The following GDA variants were observed in gnomAD, a reference collection of about 807,000 sequenced individuals.
GDA encodes the protein guanine deaminase, also known as cytoplasmic PSD-95 interactor.
Under a neutral mutation model 59.6 loss-of-function variants are expected in GDA, and 18 were observed. The observed-to-expected ratio is 0.30, with a 90% CI of 0.21 to 0.45. The LOEUF is 0.45. GDA is among the 20% of genes least tolerant of loss of function. The pLI, the probability that GDA is intolerant of heterozygous loss-of-function variation, is 1.00. For missense variants in GDA, 427 were observed against 552.3 expected (o/e 0.77, Z 2.27); for synonymous variants, 201 against 201.1 (o/e 1.00, Z 0.00).
intron 2 of GDA, among the ~76,000 whole-genome samples, chr9:72,200,584 A>G (rs959616934): frequency 5.1e-5 from 7 of 136,830 alleles, no homozygotes; most frequent in African/African-American, 8.5e-5. Context: ...GGTTTCCTAA[A>G]TATAGTAGAC....
Position 72,194,328 on chromosome 9 carries a change from G to A in GDA, c.124-1172G>A, listed in dbSNP as rs1010166143. 7.2e-5 allele frequency among the ~76,000 whole-genome samples: 11 copies of A among 152,164 alleles called. No homozygotes were observed. The South Asian group carries it at 8.3e-4, about 11-fold the overall frequency. On this transcript the variant is annotated intron_variant, in intron 1 of 13. Transcript: ENST00000358399. ...AAGGGCTCTTCAGTTAGCAGGTGAC[G>A]AATCCTACCAGGACTGAGTCTTTTC...
intron 1 of GDA, among the ~76,000 whole-genome samples, chr9:72,156,251 A>C (rs1199059443): frequency 6.6e-6 from 1 of 152,226 alleles, no homozygotes; most frequent in African/African-American, 2.4e-5. Flanking sequence ...TGGAACATGC[A>C]AAAGAGGATT....
At position 72,250,739 on chromosome 9, in the gene GDA, C is replaced by T. The variant is rs1443235427; in HGVS notation, c.*2397C>T. On this transcript the variant is annotated 3_prime_UTR_variant, in exon 14 of 14. Transcript: ENST00000358399. Reference sequence around the variant, plus strand: ...TGTCACTTTTTGTTTTAATATCTTGCTCTCTGACAGGAAAGAAACAATTCA... The same window carrying T: ...TGTCACTTTTTGTTTTAATATCTTGTTCTCTGACAGGAAAGAAACAATTCA... 4 of 1,611,894 alleles carry T rather than the reference C, an allele frequency of 2.5e-6. No homozygotes were observed. Among genetic ancestry groups the T allele is most frequent in the African/African-American group, 1.3e-5 (1 of 74,882 alleles).
At chr9:72,178,911 G>A (rs1364295580) in intron 1 of GDA, among the ~76,000 whole-genome samples, 1 of 151,998 alleles carries the variant, frequency 6.6e-6, no homozygotes, top group South Asian at 2.1e-4. Flanking sequence ...CATAATATTT[G>A]TACATATATA....
intron 1 of GDA, among the ~76,000 whole-genome samples, chr9:72,153,616 G>A (rs1827506363): frequency 1.3e-5 from 2 of 151,180 alleles, no homozygotes; most frequent in African/African-American, 2.4e-5. Context: ...TTAAGAAAAT[G>A]TGGCACATAT....
chr9:72,247,422 T>A lies in GDA; in HGVS notation c.1283T>A (p.Phe428Tyr). 1 of 1,480,792 alleles carries A rather than the reference T, an allele frequency of 6.8e-7. No homozygotes were observed. The highest frequency in any genetic ancestry group is 9.4e-7 in the Non-Finnish European group (1 of 1,058,532). 91.7% of individuals were successfully genotyped at this position (1,480,792 alleles called of 1,614,324 possible). Residue 428 changes from phenylalanine (F) to tyrosine (Y), a missense_variant, in exon 13 of 14, where the codon TTC (phenylalanine) becomes TAC (tyrosine). Physicochemically the swap from Phe to Tyr is conservative, Grantham distance 22. Transcript: ENST00000358399. The stretch of plus-strand genomic sequence containing the variant: ...CCATTTTAGGCTGTTATCCAGAAGT[T>A]CCTCTATCTAGGTAGGTAGATGCAT... ...GDISEAVIQK[F>Y]LYLGDDRNIE...
intron 5 of GDA, 71 bp downstream of exon 5, chr9:72,214,062 GA>G: frequency 9.4e-6 from 8 of 854,318 alleles, no homozygotes; most frequent in East Asian, 2.5e-5. Context: ...GTTAGAGATG[GA>G]AAAAGGAAAC....
At chr9:72,153,878 G>T (rs1320001127) in intron 1 of GDA, among the ~76,000 whole-genome samples, 1 of 149,734 alleles carries the variant, frequency 6.7e-6, no homozygotes, top group East Asian at 2.0e-4. Context: ...ACGAGTTAAT[G>T]GGTGCAGCAC....
At chr9:72,246,242 G>C (rs1362663783) in intron 12 of GDA, among the ~76,000 whole-genome samples, 3 of 152,112 alleles carry the variant, frequency 2.0e-5, no homozygotes, top group Admixed American at 2.0e-4. Context: ...CTGCCTCCTG[G>C]GTTCAAGCAG....
chr9:72,248,353 C>T lies in GDA; in HGVS notation c.*11C>T, dbSNP rs372649998. 63 of 1,612,680 alleles carry T rather than the reference C, an allele frequency of 3.9e-5. No homozygotes were observed. In the Middle Eastern group the frequency reaches 4.9e-4, roughly 13 times the overall value. On this transcript the variant is annotated 3_prime_UTR_variant, in exon 14 of 14. Transcript: ENST00000358399. ...TCCAGCTCAGTGTAAGACCCTCGGG[C>T]GTCTACAAAGTTCTCCTGGGATTAG...
chr9:72,172,056 T>TA (rs1830032589), intron 1 of GDA, among the ~76,000 whole-genome samples: 1 of 152,126 alleles, frequency 6.6e-6, no homozygotes, highest in Admixed American at 6.5e-5. Context: ...AAGAAACACC[T>TA]AAAAAATTTA....
At chr9:72,123,708 A>T (rs1007820866) in intron 1 of GDA, among the ~76,000 whole-genome samples, 1 of 150,356 alleles carries the variant, frequency 6.7e-6, no homozygotes, top group Non-Finnish European at 1.5e-5. Flanking sequence ...GCTGGTCTCG[A>T]ACTCTCGACC....
chr9:72,195,681 A>C (rs1400862375), intron 2 of GDA, 93 bp downstream of exon 2: 5 of 440,336 alleles, frequency 1.1e-5, no homozygotes, highest in African/African-American at 2.1e-5. Context: ...TTTAAAAAAT[A>C]ATATTAATTT....
intron 1 of GDA, among the ~76,000 whole-genome samples, chr9:72,189,219 A>G (rs893454504): frequency 1.7e-5 from 2 of 116,162 alleles, no homozygotes; most frequent in African/African-American, 7.5e-5. Flanking sequence ...TCACTTTGTC[A>G]CACAGGCTGG....
downstream of GDA, chr9:72,253,555 A>G (rs188508996): frequency 6.6e-6 from 1 of 152,242 alleles, no homozygotes; most frequent in East Asian, 1.9e-4. Flanking sequence ...AAGTTGCTTC[A>G]CTTACTTTGC....
intron 12 of GDA, among the ~76,000 whole-genome samples, chr9:72,245,947 C>A (rs940886571): frequency 6.6e-6 from 1 of 152,038 alleles, no homozygotes; most frequent in African/African-American, 2.4e-5. Flanking sequence ...ATTGCCATTT[C>A]TAAATTGATC....
chr9:72,127,551 C>T lies in GDA; in HGVS notation c.-100+12718C>T, dbSNP rs974387965. 3.3e-5 allele frequency among the ~76,000 whole-genome samples: 5 copies of T among 151,128 alleles called. No homozygotes were observed. The South Asian group carries it at 8.4e-4, about 25-fold the overall frequency. ...ACTCAGGAGGCTGAGGCAGGAGAAT[C>T]GCTTGAACCCAGGAGGTGGAGGTTG... On this transcript the variant is annotated intron_variant, in intron 1 of 13. Coordinates refer to the GDA transcript ENST00000545168.
rs1248025666 is a variant in GDA at position 72,250,986 on chromosome 9, G to C, written c.*2644G>C. On this transcript the variant is annotated 3_prime_UTR_variant, in exon 14 of 14. Transcript: ENST00000358399. ...GAAGTAAAAGATTAGGATGTGAAAG[G>C]TTGTCCTAAACAGACCAAGGAGACT... The C allele has an allele frequency of 1.5e-6, 1 of 658,948 alleles. No homozygotes were observed. The highest frequency in any genetic ancestry group is 1.9e-5 in the South Asian group (1 of 53,806). 40.8% of individuals were successfully genotyped at this position (658,948 alleles called of 1,614,324 possible).
At chr9:72,164,164 C>T (rs1387906613) in intron 1 of GDA, among the ~76,000 whole-genome samples, 3 of 151,820 alleles carry the variant, frequency 2.0e-5, no homozygotes, top group Admixed American at 6.6e-5. Context: ...TCTGAACGGG[C>T]GATATAAAAT....
Sources: gnomAD v4.1 joint callset for allele counts (sites outside exome capture counted in the v4.1 genomes callset) on GRCh38, gnomAD v4.1.1 for gene constraint, MANE v1.5 for transcripts, NCBI Gene and HGNC (gene_info 2026-07-23, HGNC 2026-07-21) for gene names.